RBFOX1: variants seen among roughly 807,000 people sequenced by gnomAD.
The protein encoded by RBFOX1 is RNA binding fox-1 homolog 1.
A neutral mutation model predicts 57.7 loss-of-function variants in RBFOX1; 8 were observed. The ratio of observed to expected loss-of-function variants is 0.14; its 90% CI spans 0.08 to 0.25. RBFOX1 has a LOEUF of 0.25. Ranked by LOEUF, RBFOX1 falls within the 10% of genes least tolerant of loss-of-function variation. RBFOX1 has a pLI of 1.00. For synonymous variants in RBFOX1, 326 were observed against 222.4 expected (o/e 1.47, Z -4.15); for missense variants, 611 against 548.5 (o/e 1.11, Z -1.14).
At chr16:5,738,525 T>A (rs1265713280) in intron 3 of RBFOX1, among the ~76,000 whole-genome samples, 1 of 149,556 alleles carries the variant, frequency 6.7e-6, no homozygotes, top group Non-Finnish European at 1.5e-5. Context: ...TCCCAGCTAC[T>A]CAGGAGGCTG....
At chr16:6,536,276 C>T (rs1047798762) in intron 2 of RBFOX1, among the ~76,000 whole-genome samples, 4 of 152,176 alleles carry the variant, frequency 2.6e-5, no homozygotes, top group African/African-American at 9.7e-5. Context: ...TCTTTGAATA[C>T]TTTCCTGTCT....
chr16:7,284,619 C>T (rs1196700304), intron 4 of RBFOX1, among the ~76,000 whole-genome samples: 2 of 152,220 alleles, frequency 1.3e-5, no homozygotes, highest in Non-Finnish European at 2.9e-5. Flanking sequence ...GCATAAGCCA[C>T]CACTCCTGGC....
chr16:6,202,991 G>T (rs1301833632), intron 1 of RBFOX1, among the ~76,000 whole-genome samples: 1 of 151,824 alleles, frequency 6.6e-6, no homozygotes, highest in African/African-American at 2.4e-5. Flanking sequence ...GCCAAGGCTG[G>T]TCTTGAAATC....
At chr16:7,047,910 C>G (rs749348200) in intron 3 of RBFOX1, among the ~76,000 whole-genome samples, 1 of 151,740 alleles carries the variant, frequency 6.6e-6, no homozygotes. Context: ...AGACGTCTCA[C>G]TCTTGTCACC....
chr16:7,028,231 G>T (rs1049902219), intron 3 of RBFOX1, among the ~76,000 whole-genome samples: 1 of 152,054 alleles, frequency 6.6e-6, no homozygotes, highest in South Asian at 2.1e-4. Context: ...AGCTTTCTCC[G>T]TAATAGACAG....
At chr16:6,162,227 C>T (rs1477362321) in intron 1 of RBFOX1, among the ~76,000 whole-genome samples, 3 of 152,142 alleles carry the variant, frequency 2.0e-5, no homozygotes, top group African/African-American at 4.8e-5. Context: ...AAGCAATTCA[C>T]CTGTGTCAGC....
At chr16:5,877,019 A>G (rs968709236) in intron 4 of RBFOX1, among the ~76,000 whole-genome samples, 1 of 152,172 alleles carries the variant, frequency 6.6e-6, no homozygotes, top group Non-Finnish European at 1.5e-5. Flanking sequence ...GATTGTGGAA[A>G]TCCCAGGCCA....
chr16:6,459,359 C>A (rs557685456), intron 2 of RBFOX1, among the ~76,000 whole-genome samples: 27 of 152,282 alleles, frequency 1.8e-4, no homozygotes, highest in African/African-American at 5.8e-4. Flanking sequence ...AGGATACTCA[C>A]TCGGCTTACC....
chr16:5,331,862 C>T (rs1235283292), intron 1 of RBFOX1, among the ~76,000 whole-genome samples: 2 of 152,192 alleles, frequency 1.3e-5, no homozygotes, highest in South Asian at 2.1e-4. Flanking sequence ...GGCACCAACC[C>T]CTGTGTTCCA....
intron 5 of RBFOX1, among the ~76,000 whole-genome samples, chr16:7,574,641 G>A (rs1237501227): frequency 6.6e-6 from 1 of 152,290 alleles, no homozygotes; most frequent in Middle Eastern, 3.4e-3. Flanking sequence ...TCCTAGGCGT[G>A]TTGGCAGGTG....
intron 1 of RBFOX1, among the ~76,000 whole-genome samples, chr16:6,154,843 C>G (rs773543498): frequency 6.6e-6 from 1 of 151,996 alleles, no homozygotes; most frequent in Non-Finnish European, 1.5e-5. Context: ...AATATAAGAA[C>G]AAATACAAAA....
intron 3 of RBFOX1, among the ~76,000 whole-genome samples, chr16:6,737,362 TTAA>T (rs1209720297): frequency 1.1e-5 from 1 of 94,660 alleles, no homozygotes; most frequent in Non-Finnish European, 2.7e-5. Flanking sequence ...TATCTGTTGT[TTAA>T]TTATCAGGTA....
At chr16:5,454,771 T>C (rs879306805) in intron 1 of RBFOX1, among the ~76,000 whole-genome samples, 27,014 of 143,224 alleles carry the variant, frequency 0.19, 3,068 homozygotes, top group Middle Eastern at 0.31. Context: ...TTCTTTCTCT[T>C]TCTTTCTTTC....
intron 4 of RBFOX1, among the ~76,000 whole-genome samples, chr16:7,342,166 T>G (rs898958302): frequency 2.6e-5 from 4 of 152,218 alleles, no homozygotes; most frequent in Admixed American, 6.5e-5. Context: ...CTCTCTGTGT[T>G]ACTCTTGGTA....
chr16:5,431,585 G>A (rs930966263), intron 1 of RBFOX1, among the ~76,000 whole-genome samples: 8 of 152,094 alleles, frequency 5.3e-5, no homozygotes, highest in Non-Finnish European at 1.0e-4. Flanking sequence ...ATGTTGGCCA[G>A]GCTGGTCTCG....
intron 4 of RBFOX1, among the ~76,000 whole-genome samples, chr16:7,135,077 C>T (rs1316408832): frequency 2.0e-5 from 3 of 152,074 alleles, no homozygotes; most frequent in African/African-American, 4.8e-5. Flanking sequence ...TAAAACTTCA[C>T]ATTTGGTAAA....
chr16:6,790,497 C>CT (rs1567256586), intron 3 of RBFOX1, among the ~76,000 whole-genome samples: 1 of 152,006 alleles, frequency 6.6e-6, no homozygotes, highest in African/African-American at 2.4e-5. Flanking sequence ...CTCCATCGTT[C>CT]TTTTTGTTTT....
At chr16:7,030,630 C>G (rs35869092) in intron 3 of RBFOX1, among the ~76,000 whole-genome samples, 1 of 152,146 alleles carries the variant, frequency 6.6e-6, no homozygotes, top group Admixed American at 6.5e-5. Context: ...GGATCTAGGA[C>G]CTACTCTAAT....
rs1354719735 is a variant in RBFOX1 at position 5,685,993 on chromosome 16, T to G, written c.318+87032T>G. On this transcript the variant is annotated intron_variant, in intron 3 of 19. Coordinates refer to the RBFOX1 transcript ENST00000641259. ...AAAGGTGGTGTATTTCGTGATAGACTACTGTGCATCAGTCAGAAGGAATAC... is the reference window on the plus strand; with the variant it reads ...AAAGGTGGTGTATTTCGTGATAGACGACTGTGCATCAGTCAGAAGGAATAC... Among the ~76,000 whole-genome samples, 13 of 152,230 alleles carry G rather than the reference T, an allele frequency of 8.5e-5. 1 individual carries two copies. The East Asian group carries it at 1.3e-3, about 16-fold the overall frequency.
Sources: allele counts gnomAD v4.1 joint callset (sites outside exome capture counted in the v4.1 genomes callset), GRCh38; gene constraint gnomAD v4.1.1; transcripts MANE v1.5; gene names NCBI Gene and HGNC (gene_info 2026-07-23, HGNC 2026-07-21).